Variants in SLC5A10 observed in about 807,000 individuals in gnomAD.
SLC5A10 encodes the protein sodium/mannose cotransporter SLC5A10.
Under a neutral mutation model 68.9 loss-of-function variants are expected in SLC5A10, and 55 were observed. The ratio of observed to expected loss-of-function variants is 0.80; its 90% CI spans 0.64 to 1.00. The LOEUF is 1.00. Ranked by LOEUF, SLC5A10 falls within the 50% of genes least tolerant of loss-of-function variation. The pLI is 0.00. For missense variants in SLC5A10, 732 were observed against 819.3 expected, an observed-to-expected ratio of 0.89 and a Z score of 1.30; for synonymous variants, 344 against 344.8, an observed-to-expected ratio of 1.00 and a Z score of 0.02.
At chr17:18,999,256 C>T (rs540025014) in intron 9 of SLC5A10, among the ~76,000 whole-genome samples, 4 of 151,202 alleles carry the variant, frequency 2.6e-5, no homozygotes, top group South Asian at 4.2e-4. Context: ...CCAGCCTGGG[C>T]GACAGAGCAA....
intron 9 of SLC5A10, chr17:18,988,475 CTG>C: frequency 1.3e-6 from 2 of 1,590,214 alleles, no homozygotes; most frequent in Admixed American, 3.4e-5. Context: ...ACAGGGTGCC[CTG>C]GCAGAGCGCA....
chr17:18,981,341 C>G (rs748154067), intron 9 of SLC5A10, among the ~76,000 whole-genome samples: 1 of 152,116 alleles, frequency 6.6e-6, no homozygotes, highest in Non-Finnish European at 1.5e-5. Flanking sequence ...GGTGATGGAG[C>G]CTGCAGAGCG....
intron 8 of SLC5A10, among the ~76,000 whole-genome samples, chr17:18,974,540 C>A (rs1002910028): frequency 6.6e-6 from 1 of 152,208 alleles, no homozygotes; most frequent in Non-Finnish European, 1.5e-5. Flanking sequence ...CCTGCTGATG[C>A]CGCAGCTCCA....
intron 10 of SLC5A10, among the ~76,000 whole-genome samples, chr17:19,014,264 G>A (rs922218712): frequency 2.0e-5 from 3 of 152,112 alleles, no homozygotes; most frequent in African/African-American, 7.2e-5. Flanking sequence ...CCAGCCTGAA[G>A]CCACACAGCA....
At chr17:18,954,660 G>A (rs1451492945) in intron 1 of SLC5A10, among the ~76,000 whole-genome samples, 1 of 152,224 alleles carries the variant, frequency 6.6e-6, no homozygotes, top group Non-Finnish European at 1.5e-5. Context: ...CGGGGGCCGG[G>A]GGGAGGCCTT....
chr17:18,988,539 C>T, intron 9 of SLC5A10: 1 of 1,478,164 alleles, frequency 6.8e-7, no homozygotes, highest in East Asian at 2.4e-5. Flanking sequence ...GGCCCTACTC[C>T]TGGAGCCTCA....
In SLC5A10 at chr17:19,019,595, G is replaced by T; in HGVS notation, c.1410+4G>T. ...CTGGCGACGTGCCAACGAGCAGGTGGGCGTCGGCGGTCTGCTCTCCCTGGG... is the reference window on the plus strand; with the variant it reads ...CTGGCGACGTGCCAACGAGCAGGTGTGCGTCGGCGGTCTGCTCTCCCTGGG... On this transcript the variant is annotated splice_donor_region_variant and intron_variant, in intron 12 of 14. Transcript: ENST00000395645. 6.2e-7 allele frequency: 1 copy of T among 1,610,588 alleles called. No homozygotes were observed. Among genetic ancestry groups the T allele is most frequent in the Non-Finnish European group, 8.5e-7 (1 of 1,179,694 alleles).
rs201696809 is a variant in SLC5A10 at position 18,971,431 on chromosome 17, C to T, written c.846+213C>T. 71 of 1,613,712 alleles carry T rather than the reference C, an allele frequency of 4.4e-5. 1 individual carries two copies. Among genetic ancestry groups the T allele is most frequent in the Admixed American group, 3.0e-4 (18 of 60,012 alleles). On this transcript the variant is annotated intron_variant, in intron 8 of 14. Coordinates refer to ENST00000395645, the MANE Select transcript of SLC5A10 (RefSeq NM_001042450.4). This position sits in a 1 kb window ranked among gnomAD's most constrained non-coding sequence, Gnocchi z 5.5. ...CCGATGAGGCCCACTGGCTACCGCC[C>T]GTCCTGGCCTTTAGGTGCTTCGACT...
Position 19,017,333 on chromosome 17 carries a change from C to T in SLC5A10, c.1242-2090C>T, listed in dbSNP as rs2044161251. The T allele has an allele frequency of 6.4e-7, 1 of 1,552,096 alleles. No individual in the cohort carries two copies. Reference sequence around the variant, plus strand: ...AGCCCCTCAAAGCCGTCTCAGCTTCCTCCTGCCCGAAACACCACCATTGGA... The same window carrying T: ...AGCCCCTCAAAGCCGTCTCAGCTTCTTCCTGCCCGAAACACCACCATTGGA... On this transcript the variant is annotated intron_variant, in intron 11 of 14. Transcript: ENST00000395645. The surrounding 1 kb of genome is among the most constrained non-coding windows in gnomAD (Gnocchi z 5.6).
chr17:19,010,841 C>T (rs764086505), intron 9 of SLC5A10, among the ~76,000 whole-genome samples: 1 of 152,148 alleles, frequency 6.6e-6, no homozygotes, highest in East Asian at 1.9e-4. Context: ...CGACTGTGTC[C>T]CCCAGGCAAG....
At chr17:19,012,304 T>A (rs2044031222) in intron 9 of SLC5A10, among the ~76,000 whole-genome samples, 1 of 152,232 alleles carries the variant, frequency 6.6e-6, no homozygotes, top group Admixed American at 6.5e-5. Flanking sequence ...GCCGGGGTTC[T>A]GCCCCCACAC....
chr17:19,008,815 T>TATTATTA (rs112815870), intron 9 of SLC5A10, among the ~76,000 whole-genome samples: 7 of 143,250 alleles, frequency 4.9e-5, no homozygotes, highest in African/African-American at 1.9e-4. Context: ...TTATTATTAT[T>TATTATTA]TTTTTTTTTT....
rs1445606795 is a variant in SLC5A10, at chr17:19,020,622, T to C, written c.*191T>C. On this transcript the variant is annotated 3_prime_UTR_variant, in exon 15 of 15. Transcript: ENST00000395645. ...AGGGGGGAAATGGGAGAAAATAATG[T>C]GACATTTCAAAAACAGCACCAAAGC... The C allele has an allele frequency of 1.2e-5, 7 of 590,570 alleles. No homozygotes were observed. The highest frequency in any genetic ancestry group is 1.8e-5 in the Non-Finnish European group (6 of 331,758). 36.6% of individuals were successfully genotyped at this position (590,570 alleles called of 1,614,324 possible).
chr17:18,973,384 A>C (rs2042903327), intron 8 of SLC5A10, among the ~76,000 whole-genome samples: 1 of 152,242 alleles, frequency 6.6e-6, no homozygotes, highest in African/African-American at 2.4e-5. Context: ...AGGGAGGTGG[A>C]GGAGGAACAC....
In SLC5A10 at chr17:18,968,396, G is replaced by A. The variant is rs545627315; in HGVS notation, c.454-656G>A. On this transcript the variant is annotated intron_variant, in intron 5 of 14. Transcript: ENST00000395645. The surrounding 1 kb of genome is among the most constrained non-coding windows in gnomAD (Gnocchi z 4.1). ...ACTGCCAGGTGGAGGGTGGGATTCT[G>A]GTCTTTGAGGCCCATGCCAGGCAGA... is the stretch of plus-strand genomic sequence containing the variant. 6.6e-6 allele frequency among the ~76,000 whole-genome samples: 1 copy of A among 152,322 alleles called. No homozygotes were observed. The highest frequency in any genetic ancestry group is 1.9e-4 in the East Asian group (1 of 5,182).
At chr17:18,962,835 C>G (rs1353491314) in intron 5 of SLC5A10, among the ~76,000 whole-genome samples, 2 of 152,110 alleles carry the variant, frequency 1.3e-5, no homozygotes, top group South Asian at 4.2e-4. Flanking sequence ...TTCTCTGCCC[C>G]CTGTTTCACC....
intron 1 of SLC5A10, chr17:18,954,200 G>T (rs1248855927): frequency 1.3e-5 from 2 of 152,322 alleles, no homozygotes; most frequent in Non-Finnish European, 2.9e-5. Context: ...TGCCCACGTG[G>T]GGCAGAACAG....
Position 18,960,560 on chromosome 17 carries a change from C to G in SLC5A10, c.361C>G (p.Pro121Ala). The G allele has an allele frequency of 6.2e-7, 1 of 1,614,106 alleles. No homozygotes were observed. The highest frequency in any genetic ancestry group is 8.5e-7 in the Non-Finnish European group (1 of 1,179,962). The change falls in exon 5 of 15, where the codon CCT becomes GCT. Residue 121 changes from proline to alanine, a missense_variant. Transcript: ENST00000395645. ...IYISSEIVTL[P>A]EYIQKRYGGQ... ...TGTGCCTTCCCAGATCGTCACCTTACCTGAGTACATTCAGAAGCGCTACGG... is the reference window on the plus strand; with the variant it reads ...TGTGCCTTCCCAGATCGTCACCTTAGCTGAGTACATTCAGAAGCGCTACGG...
chr17:19,016,407 T>G (rs1218174754), intron 11 of SLC5A10, among the ~76,000 whole-genome samples: 9 of 152,102 alleles, frequency 5.9e-5, no homozygotes, highest in Non-Finnish European at 1.3e-4. Flanking sequence ...ATTTGCGCCC[T>G]CCCTGGCCCT....
Sources: gnomAD v4.1 joint callset for allele counts (sites outside exome capture counted in the v4.1 genomes callset) on GRCh38, gnomAD v4.1.1 for gene constraint, Gnocchi (gnomAD v3.1) non-coding constraint, MANE v1.5 for transcripts, NCBI Gene and HGNC (gene_info 2026-07-23, HGNC 2026-07-21) for gene names.